The following ASIC2 variants were observed in gnomAD, a reference collection of about 807,000 sequenced individuals.
The protein encoded by ASIC2 is acid-sensing ion channel 2.
Under a neutral mutation model 57.3 loss-of-function variants are expected in ASIC2, and 25 were observed. The ratio of observed to expected loss-of-function variants is 0.44; its 90% confidence interval spans 0.32 to 0.61. The LOEUF (loss-of-function observed/expected upper bound fraction) is 0.61, where lower values mean the gene tolerates loss of function less well. Among genes scored for constraint, ASIC2 ranks in the 20% least tolerant of loss-of-function variants. ASIC2 has a pLI of 0.06. For missense variants in ASIC2, 641 were observed against 738.1 expected, an observed-to-expected ratio of 0.87 and a Z score of 1.52; for synonymous variants, 319 against 307.5, an observed-to-expected ratio of 1.04 and a Z score of -0.39.
At chr17:33,589,055 C>A (rs1412638421) in intron 1 of ASIC2, among the ~76,000 whole-genome samples, 1 of 152,220 alleles carries the variant, frequency 6.6e-6, no homozygotes, top group African/African-American at 2.4e-5. Flanking sequence ...TAAACATATA[C>A]TATACATTTT....
chr17:33,562,831 G>C (rs544815831), intron 1 of ASIC2, among the ~76,000 whole-genome samples: 1 of 152,294 alleles, frequency 6.6e-6, no homozygotes, highest in South Asian at 2.1e-4. Context: ...GGCTGGATGG[G>C]TGGCTGCCTC....
intron 3 of ASIC2, among the ~76,000 whole-genome samples, chr17:33,066,118 C>T (rs911982501): frequency 6.6e-6 from 1 of 152,146 alleles, no homozygotes; most frequent in East Asian, 1.9e-4. Flanking sequence ...CCATCTCCAG[C>T]GAGTCCTTTC....
chr17:33,812,994 G>A (rs1013766077), intron 1 of ASIC2, among the ~76,000 whole-genome samples: 6 of 152,174 alleles, frequency 3.9e-5, no homozygotes, highest in African/African-American at 1.2e-4. Flanking sequence ...TTGGCTCAGG[G>A]TGAGCTGCTG....
At chr17:33,999,817 C>T (rs1428344883) in intron 1 of ASIC2, among the ~76,000 whole-genome samples, 11 of 152,058 alleles carry the variant, frequency 7.2e-5, no homozygotes, top group African/African-American at 2.7e-4. Flanking sequence ...AGTATTAAAA[C>T]ATTCAGGATT....
chr17:33,929,237 C>T (rs1005014470), intron 1 of ASIC2, among the ~76,000 whole-genome samples: 9 of 152,166 alleles, frequency 5.9e-5, no homozygotes, highest in Non-Finnish European at 1.2e-4. Context: ...TCGCCAGCCC[C>T]TTTGCCTTGC....
intron 3 of ASIC2, among the ~76,000 whole-genome samples, chr17:33,031,641 T>C (rs1305529352): frequency 1.3e-5 from 2 of 152,198 alleles, no homozygotes; most frequent in African/African-American, 4.8e-5. Flanking sequence ...GCTCGGATCT[T>C]CTATATCTTT....
intron 1 of ASIC2, among the ~76,000 whole-genome samples, chr17:33,498,885 C>G (rs1914020104): frequency 2.0e-5 from 3 of 152,112 alleles, no homozygotes; most frequent in Admixed American, 2.0e-4. Context: ...GTTAGAGATG[C>G]AGGGAACAGA....
chr17:33,586,790 T>C (rs543267061), intron 1 of ASIC2, among the ~76,000 whole-genome samples: 1 of 152,330 alleles, frequency 6.6e-6, no homozygotes, highest in East Asian at 1.9e-4. Flanking sequence ...CTCAAAATTA[T>C]CCATCACATC....
chr17:33,140,128 G>T (rs536683493), intron 1 of ASIC2, among the ~76,000 whole-genome samples: 1 of 152,222 alleles, frequency 6.6e-6, no homozygotes, highest in African/African-American at 2.4e-5. Context: ...TGATAATAAG[G>T]CCCAGGAATC....
At chr17:33,643,770 C>A (rs1469106815) in intron 1 of ASIC2, among the ~76,000 whole-genome samples, 1 of 152,138 alleles carries the variant, frequency 6.6e-6, no homozygotes, top group Non-Finnish European at 1.5e-5. Context: ...CTGTTGTCAA[C>A]AAGAGAGTTA....
chr17:33,761,254 T>C (rs751155848), intron 1 of ASIC2, among the ~76,000 whole-genome samples: 3 of 152,160 alleles, frequency 2.0e-5, no homozygotes, highest in Non-Finnish European at 2.9e-5. Flanking sequence ...GTTGGATGGA[T>C]TGAGTAATTT....
intron 4 of ASIC2, among the ~76,000 whole-genome samples, chr17:33,026,680 C>A (rs1454561749): frequency 6.6e-6 from 1 of 152,182 alleles, no homozygotes; most frequent in Admixed American, 6.5e-5. Context: ...GTGGGGAAAA[C>A]CTCACTGGCT....
intron 1 of ASIC2, among the ~76,000 whole-genome samples, chr17:33,424,503 C>G (rs2141973950): frequency 6.6e-6 from 1 of 152,316 alleles, no homozygotes; most frequent in South Asian, 2.1e-4. Flanking sequence ...GCAGAGGCCC[C>G]AGCTCTGGCT....
Position 33,775,555 on chromosome 17 carries a change from T to C in ASIC2, c.555+380423A>G, listed in dbSNP as rs568718518. ...TGAGATCTAAAATCTGTGTGGGAGT[T>C]AAGCAGGTATCTACAGCAGGGTCCC... On this transcript the variant is annotated intron_variant, in intron 1 of 9. Transcript: ENST00000359872. Among the ~76,000 whole-genome samples, 33 of 152,294 alleles carry C rather than the reference T, an allele frequency of 2.2e-4. No individual in the cohort carries two copies. In the South Asian group the frequency reaches 6.6e-3, roughly 31 times the overall value.
chr17:33,130,242 A>G (rs2092340427), intron 1 of ASIC2, among the ~76,000 whole-genome samples: 1 of 152,196 alleles, frequency 6.6e-6, no homozygotes, highest in Admixed American at 6.5e-5. Context: ...ACAACAAAAA[A>G]GCGACGTTAA....
intron 1 of ASIC2, among the ~76,000 whole-genome samples, chr17:33,898,381 G>A (rs528438295): frequency 1.8e-4 from 27 of 151,696 alleles, no homozygotes; most frequent in African/African-American, 5.6e-4. Flanking sequence ...GACTACAGGC[G>A]GATGCCACTG....
chr17:33,411,558 G>A (rs7219678), intron 1 of ASIC2, among the ~76,000 whole-genome samples: 2,461 of 152,288 alleles, frequency 0.016, 33 homozygotes, highest in African/African-American at 0.039. Flanking sequence ...AGGTATTATG[G>A]ATTCTTTTAG....
chr17:34,058,465 T>C (rs1908852109), intron 1 of ASIC2, among the ~76,000 whole-genome samples: 1 of 152,216 alleles, frequency 6.6e-6, no homozygotes, highest in Non-Finnish European at 1.5e-5. Flanking sequence ...GATTACCCAC[T>C]GTGAACTGGA....
intron 1 of ASIC2, among the ~76,000 whole-genome samples, chr17:33,417,026 A>C (rs796505806): frequency 6.6e-6 from 1 of 152,158 alleles, no homozygotes; most frequent in Non-Finnish European, 1.5e-5. Flanking sequence ...GAAAGGAAAA[A>C]AAAAAGGTTC....
Sources: gnomAD v4.1 joint callset for allele counts (sites outside exome capture counted in the v4.1 genomes callset) on GRCh38, gnomAD v4.1.1 for gene constraint, MANE v1.5 for transcripts, NCBI Gene and HGNC (gene_info 2026-07-23, HGNC 2026-07-21) for gene names.